PTPN4: variants seen among roughly 807,000 people sequenced by gnomAD.
The protein encoded by PTPN4 is protein tyrosine phosphatase non-receptor type 4, also known as tyrosine-protein phosphatase non-receptor type 4.
Under a neutral mutation model 135.5 loss-of-function variants are expected in PTPN4, and 49 were observed. That is an observed-to-expected ratio of 0.36 (90% CI 0.29 to 0.46). PTPN4 has a LOEUF of 0.46. Among genes scored for constraint, PTPN4 ranks in the 20% least tolerant of loss-of-function variants. The pLI is 1.00. For synonymous variants in PTPN4, 333 were observed against 369.9 expected (o/e 0.90, Z 1.14); for missense variants, 860 against 1,101.0 (o/e 0.78, Z 3.10).
intron 13 of PTPN4, among the ~76,000 whole-genome samples, chr2:119,927,919 T>C (rs1022032539): frequency 2.0e-5 from 3 of 152,250 alleles, no homozygotes; most frequent in South Asian, 4.1e-4. Context: ...CTTCCAAAAG[T>C]GGAAATTGCT....
chr2:119,878,884 G>T (rs1678024592), intron 5 of PTPN4, among the ~76,000 whole-genome samples: 6 of 151,822 alleles, frequency 4.0e-5, no homozygotes, highest in Admixed American at 3.3e-4. Context: ...ACGAGGTCAG[G>T]AGATCAAGAA....
chr2:119,925,819 A>G (rs1441170685), intron 12 of PTPN4, among the ~76,000 whole-genome samples: 1 of 152,224 alleles, frequency 6.6e-6, no homozygotes, highest in Non-Finnish European at 1.5e-5. Context: ...TCTCTGTTCC[A>G]AAGTATCCAG....
At chr2:119,787,696 C>G (rs1691070528) in intron 1 of PTPN4, among the ~76,000 whole-genome samples, 1 of 152,108 alleles carries the variant, frequency 6.6e-6, no homozygotes, top group African/African-American at 2.4e-5. Flanking sequence ...CTCATTAGGT[C>G]TTGTACTTTC....
At chr2:119,815,994 C>T (rs1354067924) in intron 2 of PTPN4, among the ~76,000 whole-genome samples, 1 of 152,188 alleles carries the variant, frequency 6.6e-6, no homozygotes, top group Non-Finnish European at 1.5e-5. Flanking sequence ...CCTTGTGCTC[C>T]TCTAAGTATA....
At chr2:119,963,635 A>G (rs1041190592) in intron 24 of PTPN4, among the ~76,000 whole-genome samples, 16 of 152,232 alleles carry the variant, frequency 1.1e-4, no homozygotes, top group African/African-American at 3.6e-4. Context: ...GTGCTGATTT[A>G]TAGAAAAGGA....
chr2:119,767,701 A>G (rs75717629), intron 1 of PTPN4, among the ~76,000 whole-genome samples: 215 of 152,280 alleles, frequency 1.4e-3, no homozygotes, highest in African/African-American at 4.9e-3. Context: ...GTTTTCCTCA[A>G]CTTAAGTTCA....
At chr2:119,877,810 T>C (rs1436121839) in intron 5 of PTPN4, among the ~76,000 whole-genome samples, 1 of 152,188 alleles carries the variant, frequency 6.6e-6, no homozygotes, top group Non-Finnish European at 1.5e-5. Context: ...TTGTGAACAC[T>C]GCTTAAGTGT....
chr2:119,964,318 T>C (rs1679415515), intron 24 of PTPN4, among the ~76,000 whole-genome samples: 1 of 152,194 alleles, frequency 6.6e-6, no homozygotes, highest in Non-Finnish European at 1.5e-5. Context: ...ATGCTGTAAC[T>C]GGCAGAGTCA....
chr2:119,804,020 C>T (rs1465887548), intron 1 of PTPN4, among the ~76,000 whole-genome samples: 2 of 151,996 alleles, frequency 1.3e-5, no homozygotes, highest in Non-Finnish European at 2.9e-5. Flanking sequence ...GTACTTTCTA[C>T]CTGCCTGTAT....
At chr2:119,781,074 A>G (rs940885321) in intron 1 of PTPN4, among the ~76,000 whole-genome samples, 1 of 152,052 alleles carries the variant, frequency 6.6e-6, no homozygotes. Flanking sequence ...GTTGTTTCAT[A>G]TTTCCTGATA....
chr2:119,791,395 G>T (rs1340956570), intron 1 of PTPN4: 1 of 152,258 alleles, frequency 6.6e-6, no homozygotes, highest in African/African-American at 2.4e-5. Context: ...GCCTCCCAAA[G>T]TGCTGGGATT....
intron 24 of PTPN4, 67 bp from the exon 25 acceptor site, chr2:119,965,430 A>T: frequency 7.0e-7 from 1 of 1,419,670 alleles, no homozygotes. Context: ...GATGAATTTT[A>T]TGAGGTTTGT....
intron 3 of PTPN4, among the ~76,000 whole-genome samples, chr2:119,874,027 A>C (rs1455537637): frequency 6.6e-6 from 1 of 152,204 alleles, no homozygotes; most frequent in Admixed American, 6.5e-5. Context: ...AACATTATTC[A>C]TAATAACTAA....
chr2:119,904,530 T>C (rs1678456979), intron 10 of PTPN4, among the ~76,000 whole-genome samples: 1 of 151,830 alleles, frequency 6.6e-6, no homozygotes, highest in Non-Finnish European at 1.5e-5. Flanking sequence ...CGTAGAGACG[T>C]TAAGATACCA....
intron 3 of PTPN4, among the ~76,000 whole-genome samples, chr2:119,869,363 C>T (rs1400670775): frequency 6.6e-6 from 1 of 152,174 alleles, no homozygotes; most frequent in African/African-American, 2.4e-5. Flanking sequence ...CAAATGGGTG[C>T]AGTTAACCTG....
At chr2:119,959,998 T>C (rs1419917953) in intron 22 of PTPN4, among the ~76,000 whole-genome samples, 2 of 152,148 alleles carry the variant, frequency 1.3e-5, no homozygotes, top group African/African-American at 4.8e-5. Flanking sequence ...CAACATTATA[T>C]ATATAGTATA....
intron 23 of PTPN4, 134 bp from the exon 24 acceptor site, chr2:119,962,482 C>A: frequency 4.5e-6 from 2 of 447,932 alleles, no homozygotes; most frequent in Non-Finnish European, 6.7e-6. Context: ...GTCAGCAGAT[C>A]GAGATGAAAT....
intron 3 of PTPN4, among the ~76,000 whole-genome samples, chr2:119,872,674 A>G (rs1459923977): frequency 6.6e-6 from 1 of 152,046 alleles, no homozygotes; most frequent in Non-Finnish European, 1.5e-5. Context: ...TGTAGCAGTG[A>G]TGATACTTTC....
intron 2 of PTPN4, among the ~76,000 whole-genome samples, chr2:119,843,453 A>G (rs1157235999): frequency 2.2e-5 from 3 of 136,022 alleles, no homozygotes; most frequent in African/African-American, 8.5e-5. Flanking sequence ...CCGCCTTTCT[A>G]TTCCACAAAG....
Sources: allele counts gnomAD v4.1 joint callset (sites outside exome capture counted in the v4.1 genomes callset), GRCh38; gene constraint gnomAD v4.1.1; transcripts MANE v1.5; gene names NCBI Gene and HGNC (gene_info 2026-07-23, HGNC 2026-07-21).